Variants in DPP10 observed in about 807,000 individuals in gnomAD.
DPP10 encodes the protein dipeptidyl peptidase like 10.
In DPP10, 33 loss-of-function variants were observed where a neutral mutation model predicts 120.9. That is an observed-to-expected ratio of 0.27 (90% confidence interval 0.21 to 0.37). The LOEUF (loss-of-function observed/expected upper bound fraction) is 0.37. Ranked by LOEUF, DPP10 falls within the 10% of genes least tolerant of loss-of-function variation. The pLI is 1.00. For synonymous variants in DPP10, 337 were observed against 326.1 expected, an observed-to-expected ratio of 1.03 and a Z score of -0.36; for missense variants, 816 against 942.8, an observed-to-expected ratio of 0.87 and a Z score of 1.76.
rs151058275 is a variant in DPP10, at chr2:115,783,722, A to G, written c.1531+1323A>G. ...ATATTCAATATTAACTCTAACGGCA[A>G]CAATAATGACCATAGACAGTACGGT... On this transcript the variant is annotated intron_variant, in intron 17 of 25. Coordinates refer to ENST00000410059, the MANE Select transcript of DPP10 (RefSeq NM_020868.6). 8.6e-3 allele frequency among the ~76,000 whole-genome samples: 1,315 copies of G among 152,310 alleles called. 11 individuals are homozygous for G. The highest frequency in any genetic ancestry group is 0.016 in the Admixed American group (241 of 15,290).
At position 114,711,956 on chromosome 2, in the gene DPP10, T is replaced by C. The variant is rs140553724; in HGVS notation, c.60+269118T>C. Among the ~76,000 whole-genome samples, 29 of 152,292 alleles carry C rather than the reference T, an allele frequency of 1.9e-4. 1 individual carries two copies. In the East Asian group the frequency reaches 5.2e-3, roughly 27 times the overall value. On this transcript the variant is annotated intron_variant, in intron 1 of 25. Transcript: ENST00000410059. Reference sequence around the variant, plus strand: ...CCACTGAAATATGTAGAATAGAAAGTCAAATTATAATAATTATCATCATCA... The same window carrying C: ...CCACTGAAATATGTAGAATAGAAAGCCAAATTATAATAATTATCATCATCA...
At chr2:114,887,513 T>A (rs148174320) in intron 1 of DPP10, among the ~76,000 whole-genome samples, 1,691 of 152,288 alleles carry the variant, frequency 0.011, 28 homozygotes, top group African/African-American at 0.037. Flanking sequence ...CTGAGAAACA[T>A]CCCCAAAGTC....
chr2:114,906,884 CTA>C (rs1285736905), intron 1 of DPP10, among the ~76,000 whole-genome samples: 3 of 151,952 alleles, frequency 2.0e-5, no homozygotes, highest in African/African-American at 7.3e-5. Context: ...TCCTCATTTT[CTA>C]TGTTTTGAAA....
At chr2:115,225,484 A>G (rs2057387486) in intron 1 of DPP10, among the ~76,000 whole-genome samples, 1 of 134,626 alleles carries the variant, frequency 7.4e-6, no homozygotes, top group Non-Finnish European at 1.6e-5. Context: ...TTGAAGTCAA[A>G]CCGCATGAAT....
intron 3 of DPP10, among the ~76,000 whole-genome samples, chr2:115,431,704 T>A (rs2071001369): frequency 6.6e-6 from 1 of 152,132 alleles, no homozygotes; most frequent in African/African-American, 2.4e-5. Context: ...ATCACTTTTC[T>A]TGTGTTTGTG....
intron 2 of DPP10, among the ~76,000 whole-genome samples, chr2:115,325,063 G>A (rs1005338590): frequency 2.6e-5 from 4 of 151,848 alleles, no homozygotes; most frequent in African/African-American, 4.8e-5. Flanking sequence ...ACAGATCACC[G>A]TAACAGATAT....
chr2:115,386,343 A>G (rs554038072), intron 3 of DPP10, among the ~76,000 whole-genome samples: 37 of 152,284 alleles, frequency 2.4e-4, no homozygotes, highest in Non-Finnish European at 4.6e-4. Context: ...AACAAGAGAA[A>G]AATAAACAGA....
intron 21 of DPP10, among the ~76,000 whole-genome samples, chr2:115,821,857 CAT>C (rs1687852259): frequency 6.6e-6 from 1 of 151,942 alleles, no homozygotes; most frequent in South Asian, 2.1e-4. Context: ...TTTGTGTAAA[CAT>C]ATATTTTCAT....
chr2:114,803,186 G>T (rs1397959545), intron 1 of DPP10, among the ~76,000 whole-genome samples: 5 of 152,198 alleles, frequency 3.3e-5, no homozygotes, highest in African/African-American at 1.2e-4. Context: ...ATTTTCTCTT[G>T]TCACCACCAT....
At chr2:115,243,566 TAAAAC>T (rs955297083) in intron 1 of DPP10, among the ~76,000 whole-genome samples, 2 of 152,182 alleles carry the variant, frequency 1.3e-5, no homozygotes, top group Non-Finnish European at 2.9e-5. Flanking sequence ...AGTTTTTTGA[TAAAAC>T]AAAATGATTG....
chr2:115,130,163 TG>T lies in DPP10; in HGVS notation c.61-179074del, dbSNP rs998771199. Among the ~76,000 whole-genome samples the T allele has an allele frequency of 4.0e-4, 61 of 152,338 alleles. No homozygotes were observed. The East Asian group carries it at 6.4e-3, about 16-fold the overall frequency. The stretch of plus-strand genomic sequence containing the variant: ...CTCCCCTATAGTTAGCTAGCTCAGA[TG>T]GAAGTTGTAGGCTATTCCACTTGCC... On this transcript the variant is annotated intron_variant, in intron 1 of 25. Transcript: ENST00000410059.
At chr2:114,550,264 C>A (rs143878513) in intron 1 of DPP10, among the ~76,000 whole-genome samples, 16 of 152,182 alleles carry the variant, frequency 1.1e-4, no homozygotes, top group Non-Finnish European at 1.9e-4. Flanking sequence ...GGACAAAGGG[C>A]CCTCTCCATG....
At chr2:115,435,949 G>A (rs954143763) in intron 3 of DPP10, among the ~76,000 whole-genome samples, 1 of 151,804 alleles carries the variant, frequency 6.6e-6, no homozygotes, top group Non-Finnish European at 1.5e-5. Context: ...TAAGGAGCCT[G>A]TCCTTTTTCC....
intron 3 of DPP10, among the ~76,000 whole-genome samples, chr2:115,495,349 T>G (rs2076336576): frequency 8.2e-6 from 1 of 121,344 alleles, no homozygotes; most frequent in African/African-American, 3.1e-5. Context: ...TAGAAACTAA[T>G]TTTCAGCCAT....
rs184962339 is a variant in DPP10, at chr2:115,749,512, T to C, written c.950+3329T>C. On this transcript the variant is annotated intron_variant, in intron 10 of 25. Transcript: ENST00000410059. ...CTGGGCTTGACACTGTCATGCTTTC[T>C]CTCCCTATTTCTTTAAGTATATCTA... 2.5e-4 allele frequency among the ~76,000 whole-genome samples: 38 copies of C among 152,308 alleles called. 1 individual carries two copies. The East Asian group carries it at 6.8e-3, about 27-fold the overall frequency.
chr2:115,701,924 A>G (rs1265407733), intron 7 of DPP10, among the ~76,000 whole-genome samples: 2 of 150,030 alleles, frequency 1.3e-5, no homozygotes, highest in Non-Finnish European at 2.9e-5. Context: ...CATTTTCGGT[A>G]GGTAAACACA....
chr2:114,994,735 T>C (rs1325637800), intron 1 of DPP10, among the ~76,000 whole-genome samples: 1 of 152,218 alleles, frequency 6.6e-6, no homozygotes, highest in East Asian at 1.9e-4. Context: ...TGAAATGCTC[T>C]TATCTCCCCT....
chr2:115,032,091 G>T (rs1703879835), intron 1 of DPP10, among the ~76,000 whole-genome samples: 1 of 151,792 alleles, frequency 6.6e-6, no homozygotes, highest in Non-Finnish European at 1.5e-5. Context: ...TGGCAGTGAG[G>T]ATAAAATGGC....
intron 2 of DPP10, among the ~76,000 whole-genome samples, chr2:115,333,192 T>G (rs2062867689): frequency 6.6e-6 from 1 of 152,130 alleles, no homozygotes; most frequent in Non-Finnish European, 1.5e-5. Context: ...CTTCTTTGTC[T>G]CTTTTGATCT....
Sources: allele counts gnomAD v4.1 joint callset (sites outside exome capture counted in the v4.1 genomes callset), GRCh38; gene constraint gnomAD v4.1.1; transcripts MANE v1.5; gene names NCBI Gene and HGNC (gene_info 2026-07-23, HGNC 2026-07-21).